The following CRTC1 variants were observed in gnomAD, a reference collection of about 807,000 sequenced individuals.
The protein encoded by CRTC1 is CREB regulated transcription coactivator 1.
A neutral mutation model predicts 66.1 loss-of-function variants in CRTC1; 18 were observed. The observed-to-expected ratio is 0.27, with a 90% CI of 0.19 to 0.40. The LOEUF is 0.40. Ranked by LOEUF, CRTC1 falls within the 10% of genes least tolerant of loss-of-function variation. The pLI, the probability that CRTC1 is intolerant of heterozygous loss-of-function variation, is 1.00. For missense variants in CRTC1, 669 were observed against 887.9 expected, an observed-to-expected ratio of 0.75 and a Z score of 3.13; for synonymous variants, 416 against 398.8, an observed-to-expected ratio of 1.04 and a Z score of -0.51.
chr19:18,736,765 C>G (rs146156487), intron 1 of CRTC1, among the ~76,000 whole-genome samples: 2,095 of 150,506 alleles, frequency 0.014, 39 homozygotes, highest in Middle Eastern at 0.076. Flanking sequence ...CCTGGCCCCC[C>G]CACAGGGAGG....
In CRTC1 at chr19:18,722,717, G is replaced by A. The variant is rs533976596; in HGVS notation, c.127-20193G>A. On this transcript the variant is annotated intron_variant, in intron 1 of 13. Transcript: ENST00000321949. ...CTGTGCAACCTTCCCTTCTGTCTGC[G>A]CCCAGAACATTTCCATCTCCCCAGA... Among the ~76,000 whole-genome samples the A allele has an allele frequency of 6.6e-4, 101 of 152,258 alleles. 2 individuals carry two copies. The highest frequency in any genetic ancestry group is 1.4e-3 in the African/African-American group (58 of 41,540).
Position 18,771,598 on chromosome 19 carries a change from C to A in CRTC1, c.1425+52C>A. The A allele has an allele frequency of 7.2e-7, 1 of 1,396,884 alleles. No individual in the cohort carries two copies. Among genetic ancestry groups the A allele is most frequent in the Non-Finnish European group, 1.0e-6 (1 of 996,724 alleles). 86.5% of individuals were successfully genotyped at this position (1,396,884 alleles called of 1,614,324 possible). ...CTGTGGGCTCCACGCTTGTCTTGTT[C>A]ATGCCCCGTGTGTTCCCTGCCCACT... On this transcript the variant is annotated intron_variant, in intron 11 of 13. Coordinates refer to ENST00000321949, the MANE Select transcript of CRTC1 (RefSeq NM_015321.3). This position sits in a 1 kb window ranked among gnomAD's most constrained non-coding sequence, Gnocchi z 4.6.
At chr19:18,715,646 G>A (rs1470695624) in intron 1 of CRTC1, among the ~76,000 whole-genome samples, 1 of 152,214 alleles carries the variant, frequency 6.6e-6, no homozygotes, top group South Asian at 2.1e-4. Context: ...CCCCGGGGAC[G>A]GGCCTGTCCT....
At chr19:18,754,941 CT>C (rs1568526691) in intron 6 of CRTC1, among the ~76,000 whole-genome samples, 1 of 151,252 alleles carries the variant, frequency 6.6e-6, no homozygotes, top group East Asian at 1.9e-4. Context: ...TTTTTCTTTT[CT>C]TTTATTTTTA....
At chr19:18,721,921 C>T (rs1439149287) in intron 1 of CRTC1, among the ~76,000 whole-genome samples, 2 of 152,178 alleles carry the variant, frequency 1.3e-5, no homozygotes, top group East Asian at 3.8e-4. Flanking sequence ...CATCACTGGC[C>T]CTTACTGAGG....
intron 4 of CRTC1, 129 bp downstream of exon 4, chr19:18,747,243 G>T: frequency 1.5e-6 from 1 of 654,242 alleles, no homozygotes; most frequent in South Asian, 1.9e-5. Flanking sequence ...GCATCCAGAA[G>T]TTTCTAGAAA....
rs1477732478 is a variant in CRTC1 at position 18,781,266 on chromosome 19, GC to G, written c.*3885del. The G allele has an allele frequency of 3.1e-5, 7 of 228,176 alleles. No homozygotes were observed. In the East Asian group the frequency reaches 4.4e-4, roughly 14 times the overall value. The allele number at this position is 228,176 out of a possible 1,614,324, so 14.1% of individuals were successfully genotyped here. On this transcript the variant is annotated 3_prime_UTR_variant, in exon 14 of 14. Transcript: ENST00000321949. ...TTCCCTACACAGCCTAAGAGCAGGG[GC>G]AAGACTCGGCCCCTCACTCACCCTG...
At chr19:18,754,041 C>T (rs1179185553) in intron 6 of CRTC1, among the ~76,000 whole-genome samples, 1 of 149,632 alleles carries the variant, frequency 6.7e-6, no homozygotes, top group Admixed American at 6.7e-5. Flanking sequence ...GCAGAGGTTG[C>T]ACTGAGCCGA....
intron 1 of CRTC1, among the ~76,000 whole-genome samples, chr19:18,720,289 G>A (rs781652864): frequency 4.6e-5 from 7 of 151,988 alleles, no homozygotes; most frequent in Non-Finnish European, 1.0e-4. Context: ...TCAGCCTCCC[G>A]AGTAGCTGGG....
chr19:18,716,212 G>A (rs569062659), intron 1 of CRTC1, among the ~76,000 whole-genome samples: 1 of 152,162 alleles, frequency 6.6e-6, no homozygotes, highest in Non-Finnish European at 1.5e-5. Flanking sequence ...ATCAGCCTGA[G>A]GGTCATTATT....
chr19:18,740,048 T>A (rs962306106), intron 1 of CRTC1, among the ~76,000 whole-genome samples: 1 of 149,770 alleles, frequency 6.7e-6, no homozygotes, highest in Non-Finnish European at 1.5e-5. Context: ...AGGTCAGGGG[T>A]TCAAGACCAG....
At position 18,760,038 on chromosome 19, in the gene CRTC1, T is replaced by G; in HGVS notation, c.696T>G (p.Thr232=). The part of the protein sequence containing the change: ...NIFPSADQEN[T]TALIPATHNT... ...TCCCGTCTGCCGACCAGGAAAACAC[T>G]ACAGCCCTGATCCCCGCCACCCACA... Residue 232 remains threonine (T), a synonymous_variant, in exon 8 of 14, where the codon ACT becomes ACG. Coordinates refer to ENST00000321949, the MANE Select transcript of CRTC1 (RefSeq NM_015321.3). The surrounding 1 kb of genome is among the most constrained non-coding windows in gnomAD (Gnocchi z 6.2). 1 of 1,604,962 alleles carries G rather than the reference T, an allele frequency of 6.2e-7. No homozygotes were observed. The highest frequency in any genetic ancestry group is 8.5e-7 in the Non-Finnish European group (1 of 1,173,538).
In CRTC1 at chr19:18,775,762, C is replaced by T. The variant is rs966216688; in HGVS notation, c.1634C>T (p.Pro545Leu). The change falls in exon 13 of 14, where the codon CCG (proline) becomes CTG (leucine). Residue 545 changes from proline (P) to leucine (L), a missense_variant. Physicochemically the swap from Pro to Leu is moderately conservative, Grantham distance 98 (BLOSUM62 -3). Transcript: ENST00000321949. ...CTCACGGGCAGCCACGGGAGCCTGC[C>T]GGACTCGCAGCAACTGGGATACGCC... The part of the protein sequence containing the change: ...MGLTGSHGSL[P>L]DSQQLGYASH... 18 of 1,611,656 alleles carry T rather than the reference C, an allele frequency of 1.1e-5. No homozygotes were observed. The highest frequency in any genetic ancestry group is 2.2e-5 in the East Asian group (1 of 44,874).
intron 1 of CRTC1, among the ~76,000 whole-genome samples, chr19:18,728,713 C>T (rs943065755): frequency 9.2e-5 from 14 of 151,834 alleles, no homozygotes; most frequent in African/African-American, 3.1e-4. Context: ...TCATGTTGGC[C>T]AGGCTGGTCT....
chr19:18,736,720 A>AC (rs1238993594), intron 1 of CRTC1, among the ~76,000 whole-genome samples: 1 of 150,278 alleles, frequency 6.7e-6, no homozygotes, highest in African/African-American at 2.5e-5. Flanking sequence ...AGGGGGGGAA[A>AC]CTGAGGCCTG....
chr19:18,775,090 G>C (rs1263996150), intron 12 of CRTC1, 104 bp downstream of exon 12: 2 of 1,135,962 alleles, frequency 1.8e-6, no homozygotes, highest in Non-Finnish European at 1.3e-6. Context: ...CACGTGCTCG[G>C]GGGGCCCGTG....
intron 1 of CRTC1, among the ~76,000 whole-genome samples, chr19:18,698,148 G>A (rs758029191): frequency 9.9e-5 from 15 of 151,990 alleles, no homozygotes; most frequent in Non-Finnish European, 2.1e-4. Flanking sequence ...AGCTGGCGCA[G>A]CATGTACTCA....
chr19:18,751,709 C>T (rs1376172010), intron 5 of CRTC1, among the ~76,000 whole-genome samples: 4 of 152,078 alleles, frequency 2.6e-5, no homozygotes, highest in African/African-American at 4.8e-5. Context: ...CTCACGGGGC[C>T]GCTGCTGCCA....
chr19:18,712,375 C>T (rs2053411894), intron 1 of CRTC1, among the ~76,000 whole-genome samples: 1 of 152,114 alleles, frequency 6.6e-6, no homozygotes, highest in Non-Finnish European at 1.5e-5. Context: ...TCTCCCACCT[C>T]AGCCTTCCTG....
Sources: allele counts gnomAD v4.1 joint callset (sites outside exome capture counted in the v4.1 genomes callset), GRCh38; gene constraint gnomAD v4.1.1; non-coding constraint Gnocchi (gnomAD v3.1); transcripts MANE v1.5; gene names NCBI Gene and HGNC (gene_info 2026-07-23, HGNC 2026-07-21).